SCHIP1: variants seen among roughly 807,000 people sequenced by gnomAD.
The protein encoded by SCHIP1 is schwannomin-interacting protein 1.
Under a neutral mutation model 29.7 loss-of-function variants are expected in SCHIP1, and 8 were observed. That is an observed-to-expected ratio of 0.27 (90% confidence interval 0.16 to 0.49). The LOEUF (loss-of-function observed/expected upper bound fraction) is 0.49, where lower values mean the gene tolerates loss of function less well. Among genes scored for constraint, SCHIP1 ranks in the 20% least tolerant of loss-of-function variants. The pLI, the probability that SCHIP1 is intolerant of heterozygous loss-of-function variation, is 0.99. For missense variants in SCHIP1, 193 were observed against 294.6 expected, an observed-to-expected ratio of 0.66 and a Z score of 2.52; for synonymous variants, 76 against 94.9, an observed-to-expected ratio of 0.80 and a Z score of 1.16.
At chr3:159,683,593 C>T in the SCHIP1 span, among the ~76,000 whole-genome samples, 2 of 152,166 alleles carry the variant, frequency 1.3e-5, no homozygotes, top group African/African-American at 2.4e-5. Flanking sequence ...CTTTCCAATG[C>T]CATCTCACTG....
chr3:159,569,900 G>A, the SCHIP1 span, among the ~76,000 whole-genome samples: 2 of 152,134 alleles, frequency 1.3e-5, no homozygotes, highest in African/African-American at 4.8e-5. Context: ...GTTTTGATTT[G>A]CATTTCTCTG....
At chr3:159,416,692 A>G in the SCHIP1 span, among the ~76,000 whole-genome samples, 1 of 152,204 alleles carries the variant, frequency 6.6e-6, no homozygotes, top group East Asian at 1.9e-4. Context: ...TCTACATTTA[A>G]AATCTGGATT....
chr3:159,570,905 C>T, the SCHIP1 span, among the ~76,000 whole-genome samples: 2 of 152,128 alleles, frequency 1.3e-5, no homozygotes, highest in Non-Finnish European at 2.9e-5. Context: ...CTCTTTGAAG[C>T]AATTGTGAAT....
the SCHIP1 span, among the ~76,000 whole-genome samples, chr3:159,518,741 T>C: frequency 6.6e-6 from 1 of 152,152 alleles, no homozygotes; most frequent in East Asian, 1.9e-4. Context: ...GTCAGTACTG[T>C]ATTCTCATCT....
chr3:159,808,089 A>G, the SCHIP1 span, among the ~76,000 whole-genome samples: 1 of 152,238 alleles, frequency 6.6e-6, no homozygotes, highest in Non-Finnish European at 1.5e-5. Context: ...GTTTCTCAAC[A>G]GAGTAAGAGA....
At chr3:159,752,405 C>T in the SCHIP1 span, among the ~76,000 whole-genome samples, 1 of 151,746 alleles carries the variant, frequency 6.6e-6, no homozygotes, top group African/African-American at 2.4e-5. Flanking sequence ...TAATATTATA[C>T]CCTCTTTTAT....
the SCHIP1 span, among the ~76,000 whole-genome samples, chr3:159,597,253 G>A: frequency 6.6e-6 from 1 of 152,084 alleles, no homozygotes; most frequent in Non-Finnish European, 1.5e-5. Context: ...TGGGGTACAT[G>A]TGAAATTTTG....
the SCHIP1 span, among the ~76,000 whole-genome samples, chr3:159,761,108 G>C: frequency 5.9e-5 from 9 of 152,200 alleles, no homozygotes; most frequent in Non-Finnish European, 1.2e-4. Flanking sequence ...GTTCCTTTAA[G>C]AGCAGTGAGT....
chr3:159,868,233 T>C (rs763701736), intron 2 of SCHIP1, among the ~76,000 whole-genome samples: 37 of 151,706 alleles, frequency 2.4e-4, no homozygotes, highest in Non-Finnish European at 3.5e-4. Flanking sequence ...TCCAGATATA[T>C]TTATATTATC....
chr3:159,728,100 G>A, the SCHIP1 span, among the ~76,000 whole-genome samples: 2 of 151,814 alleles, frequency 1.3e-5, no homozygotes, highest in Admixed American at 1.3e-4. Context: ...AAATATGTAA[G>A]CTGCATGATG....
At chr3:159,729,589 T>C in the SCHIP1 span, among the ~76,000 whole-genome samples, 1 of 152,180 alleles carries the variant, frequency 6.6e-6, no homozygotes, top group African/African-American at 2.4e-5. Flanking sequence ...CCATTTAAAA[T>C]GGCTTCTAGA....
At chr3:159,334,251 C>T in the SCHIP1 span, among the ~76,000 whole-genome samples, 255 of 152,220 alleles carry the variant, frequency 1.7e-3, 1 homozygote, top group Non-Finnish European at 3.2e-3. Context: ...GACTGTCTGA[C>T]CAGTTGATTT....
the SCHIP1 span, among the ~76,000 whole-genome samples, chr3:159,777,391 C>T: frequency 6.6e-6 from 1 of 151,966 alleles, no homozygotes; most frequent in Non-Finnish European, 1.5e-5. Flanking sequence ...TTTATTGACA[C>T]CAGAGTAGCT....
the SCHIP1 span, among the ~76,000 whole-genome samples, chr3:159,578,539 G>T: frequency 6.6e-6 from 1 of 152,056 alleles, no homozygotes; most frequent in African/African-American, 2.4e-5. Flanking sequence ...TACAAAATCA[G>T]TGCCTTAAAG....
At chr3:159,653,162 T>C in the SCHIP1 span, among the ~76,000 whole-genome samples, 65 of 152,298 alleles carry the variant, frequency 4.3e-4, no homozygotes, top group Non-Finnish European at 7.8e-4. Flanking sequence ...AGTTTAACCA[T>C]TGTGGAAGAC....
the SCHIP1 span, among the ~76,000 whole-genome samples, chr3:159,526,389 C>T: frequency 7.0e-4 from 106 of 152,066 alleles, no homozygotes; most frequent in African/African-American, 2.4e-3. Context: ...AGGCTGGTCT[C>T]GAACTCTGGG....
At chr3:159,387,672 C>A in the SCHIP1 span, among the ~76,000 whole-genome samples, 1 of 152,176 alleles carries the variant, frequency 6.6e-6, no homozygotes, top group Non-Finnish European at 1.5e-5. Flanking sequence ...AGTGACTATA[C>A]AACTCTGCCA....
chr3:159,338,355 C>T, the SCHIP1 span, among the ~76,000 whole-genome samples: 13 of 152,028 alleles, frequency 8.6e-5, no homozygotes, highest in South Asian at 1.0e-3. Flanking sequence ...ATTGTGTTGC[C>T]GGCAGAGGAA....
chr3:159,828,306 A>G, the SCHIP1 span, among the ~76,000 whole-genome samples: 1 of 149,422 alleles, frequency 6.7e-6, no homozygotes, highest in Non-Finnish European at 1.5e-5. Flanking sequence ...CAACTCTAGA[A>G]CCATCAAAGA....
Sources: allele counts gnomAD v4.1 joint callset (sites outside exome capture counted in the v4.1 genomes callset), GRCh38; gene constraint gnomAD v4.1.1; transcripts MANE v1.5; gene names NCBI Gene and HGNC (gene_info 2026-07-23, HGNC 2026-07-21).